ZMAT4: variants seen among roughly 807,000 people sequenced by gnomAD.
ZMAT4 encodes the protein zinc finger matrin-type protein 4.
In ZMAT4, 17 loss-of-function variants were observed where a neutral mutation model predicts 28.7. That is an observed-to-expected ratio of 0.59 (90% confidence interval 0.41 to 0.89). ZMAT4 has a LOEUF of 0.89. ZMAT4 is among the 40% of genes least tolerant of loss of function. The probability of loss-of-function intolerance (pLI) is 0.00; values close to 1 mark genes in which losing one functional copy is unlikely to be tolerated. For missense variants in ZMAT4, 240 were observed against 283.8 expected, an observed-to-expected ratio of 0.85 and a Z score of 1.11; for synonymous variants, 117 against 109.2, an observed-to-expected ratio of 1.07 and a Z score of -0.44.
intron 5 of ZMAT4, among the ~76,000 whole-genome samples, chr8:40,589,074 T>A (rs771226476): frequency 1.6e-4 from 24 of 152,230 alleles, no homozygotes; most frequent in Non-Finnish European, 3.5e-4. Context: ...TTAATCAAAC[T>A]GTCTTGTACA....
chr8:40,735,347 C>A (rs1213459733), intron 3 of ZMAT4, among the ~76,000 whole-genome samples: 1 of 152,110 alleles, frequency 6.6e-6, no homozygotes, highest in East Asian at 1.9e-4. Flanking sequence ...TTATATTATA[C>A]TCAATATTTT....
chr8:40,798,646 A>G (rs1418312753), intron 2 of ZMAT4, among the ~76,000 whole-genome samples: 1 of 152,218 alleles, frequency 6.6e-6, no homozygotes, highest in Non-Finnish European at 1.5e-5. Flanking sequence ...CTCTGACAGA[A>G]GAAAACTTCA....
intron 5 of ZMAT4, among the ~76,000 whole-genome samples, chr8:40,584,025 G>T (rs1248065871): frequency 6.6e-6 from 1 of 152,120 alleles, no homozygotes; most frequent in African/African-American, 2.4e-5. Context: ...TTGTGAGGGA[G>T]GTGTGTAGCT....
chr8:40,867,606 A>T (rs1437060863), intron 1 of ZMAT4, among the ~76,000 whole-genome samples: 2 of 152,128 alleles, frequency 1.3e-5, no homozygotes, highest in South Asian at 2.1e-4. Context: ...TCTCACATAC[A>T]GCAGCACAGT....
At chr8:40,584,212 C>T (rs1008638257) in intron 5 of ZMAT4, among the ~76,000 whole-genome samples, 1 of 152,118 alleles carries the variant, frequency 6.6e-6, no homozygotes, top group Non-Finnish European at 1.5e-5. Flanking sequence ...GCTAGCTTTG[C>T]ACAGGACCTA....
intron 5 of ZMAT4, among the ~76,000 whole-genome samples, chr8:40,660,028 A>T (rs1382461282): frequency 1.3e-5 from 2 of 152,248 alleles, no homozygotes; most frequent in African/African-American, 4.8e-5. Flanking sequence ...ACAGTTTGCC[A>T]GCGGGTATCT....
intron 1 of ZMAT4, among the ~76,000 whole-genome samples, chr8:40,863,528 G>T (rs1817574544): frequency 6.6e-6 from 1 of 152,208 alleles, no homozygotes; most frequent in South Asian, 2.1e-4. Flanking sequence ...ACAAGAGGAG[G>T]TGGAAGTGGA....
At chr8:40,897,471 T>C (rs920296843) in intron 1 of ZMAT4, among the ~76,000 whole-genome samples, 6 of 152,150 alleles carry the variant, frequency 3.9e-5, no homozygotes, top group African/African-American at 1.4e-4. Context: ...CGCAGCTAAT[T>C]AGGAGTAGTA....
chr8:40,881,431 G>A (rs1260628427), intron 1 of ZMAT4, among the ~76,000 whole-genome samples: 1 of 101,734 alleles, frequency 9.8e-6, no homozygotes, highest in African/African-American at 4.1e-5. Flanking sequence ...AAAGAAGAAA[G>A]AGAGAAAGAA....
intron 4 of ZMAT4, among the ~76,000 whole-genome samples, chr8:40,686,635 T>A (rs1419072839): frequency 6.6e-6 from 1 of 151,512 alleles, no homozygotes; most frequent in Non-Finnish European, 1.5e-5. Flanking sequence ...CTCTACAAAT[T>A]AAAAAAAAGT....
chr8:40,769,883 C>T (rs1273966874), intron 2 of ZMAT4, among the ~76,000 whole-genome samples: 1 of 151,560 alleles, frequency 6.6e-6, no homozygotes, highest in Non-Finnish European at 1.5e-5. Context: ...TACAGCTAGA[C>T]AAACTAGTCA....
At chr8:40,588,274 A>C (rs1413111158) in intron 5 of ZMAT4, among the ~76,000 whole-genome samples, 1 of 152,090 alleles carries the variant, frequency 6.6e-6, no homozygotes, top group African/African-American at 2.4e-5. Context: ...AAAGTGACAA[A>C]TTAGATTTTA....
At chr8:40,752,410 C>A (rs1458695632) in intron 3 of ZMAT4, among the ~76,000 whole-genome samples, 1 of 152,190 alleles carries the variant, frequency 6.6e-6, no homozygotes, top group Non-Finnish European at 1.5e-5. Flanking sequence ...TCCCTTCTAC[C>A]AGGCTGCCCA....
intron 5 of ZMAT4, among the ~76,000 whole-genome samples, chr8:40,646,198 T>A (rs1409915438): frequency 6.6e-6 from 1 of 152,006 alleles, no homozygotes; most frequent in Admixed American, 6.5e-5. Flanking sequence ...ATGATTAAAT[T>A]TAGGATTTCC....
intron 4 of ZMAT4, chr8:40,696,962 A>G (rs1585894554): frequency 6.7e-6 from 2 of 300,216 alleles, no homozygotes; most frequent in Non-Finnish European, 1.2e-5. Context: ...TATAATACAC[A>G]GTAGGAATGA....
intron 5 of ZMAT4, among the ~76,000 whole-genome samples, chr8:40,666,627 A>C (rs1808426065): frequency 2.0e-5 from 3 of 152,196 alleles, no homozygotes; most frequent in Admixed American, 2.0e-4. Context: ...AATCAAGGCC[A>C]ATGAACAAAA....
intron 5 of ZMAT4, among the ~76,000 whole-genome samples, chr8:40,601,468 G>GAAA (rs1563359930): frequency 0.11 from 2,108 of 18,958 alleles, 136 homozygotes; most frequent in Middle Eastern, 0.26. Context: ...GAGGAAGAAA[G>GAAA]GAAAGAAAGA....
chr8:40,870,275 G>A (rs1315793852), intron 1 of ZMAT4, among the ~76,000 whole-genome samples: 1 of 152,130 alleles, frequency 6.6e-6, no homozygotes, highest in Non-Finnish European at 1.5e-5. Context: ...GCCTCCCCTG[G>A]AGGCTCTGGC....
chr8:40,755,627 AT>A (rs900487132), intron 3 of ZMAT4, among the ~76,000 whole-genome samples: 1 of 151,794 alleles, frequency 6.6e-6, no homozygotes. Flanking sequence ...TAATTTTTGT[AT>A]TTTTTGTAGA....
Sources: allele counts gnomAD v4.1 joint callset (sites outside exome capture counted in the v4.1 genomes callset), GRCh38; gene constraint gnomAD v4.1.1; transcripts MANE v1.5; gene names NCBI Gene and HGNC (gene_info 2026-07-23, HGNC 2026-07-21).